PATJ: variants seen among roughly 807,000 people sequenced by gnomAD.
PATJ encodes PATJ crumbs cell polarity complex component, also known as inaD-like protein.
A neutral mutation model predicts 224.9 loss-of-function variants in PATJ; 190 were observed. That is an observed-to-expected ratio of 0.84 (90% CI 0.75 to 0.95). PATJ has a LOEUF of 0.95. PATJ is among the 40% of genes least tolerant of loss of function. The pLI is 0.00. For missense variants in PATJ, 2,121 were observed against 2,270.3 expected (o/e 0.93, Z 1.34); for synonymous variants, 769 against 820.3 (o/e 0.94, Z 1.07).
At chr1:62,154,541 A>G (rs1434782043) in intron 43 of PATJ, among the ~76,000 whole-genome samples, 4 of 151,650 alleles carry the variant, frequency 2.6e-5, no homozygotes, top group Non-Finnish European at 5.9e-5. Flanking sequence ...CATGCCTGTG[A>G]TCCCAGCTAC....
chr1:62,083,127 G>A (rs1489862262), intron 32 of PATJ, among the ~76,000 whole-genome samples: 1 of 152,038 alleles, frequency 6.6e-6, no homozygotes, highest in African/African-American at 2.4e-5. Context: ...AGGTTTCGTT[G>A]TTGTTGTTGC....
At chr1:62,052,439 TAA>T (rs554528489) in intron 31 of PATJ, among the ~76,000 whole-genome samples, 15 of 111,446 alleles carry the variant, frequency 1.3e-4, no homozygotes, top group South Asian at 5.8e-4. Context: ...AGAGATTGAC[TAA>T]AAAAAAAAAA....
chr1:62,157,018 ATTCATTTTAGAAAGAC>A (rs1364657762), intron 43 of PATJ, among the ~76,000 whole-genome samples: 2 of 151,614 alleles, frequency 1.3e-5, no homozygotes, highest in African/African-American at 4.8e-5. Context: ...CAGTATCAGA[ATTCATTTTAGAAAGAC>A]TTCATTAGGC....
At chr1:61,854,899 G>A (rs965459032) in intron 17 of PATJ, among the ~76,000 whole-genome samples, 4 of 152,184 alleles carry the variant, frequency 2.6e-5, no homozygotes, top group African/African-American at 9.6e-5. Flanking sequence ...CTCCCAACGG[G>A]TGAAAGATCT....
rs1444749295 is a variant in PATJ at position 62,161,864 on chromosome 1, G to A, written c.*810G>A. ...AAGTAAGCAAGAAAACATTAGCAGT[G>A]TAATTAATTTACCAGTGATCCCCAA... is the stretch of plus-strand genomic sequence containing the variant. On this transcript the variant is annotated 3_prime_UTR_variant, in exon 44 of 44. Transcript: ENST00000642238. 2 of 152,194 alleles carry A rather than the reference G, an allele frequency of 1.3e-5. No homozygotes were observed. Among genetic ancestry groups the A allele is most frequent in the African/African-American group, 2.4e-5 (1 of 41,442 alleles). The allele number at this position is 152,194 out of a possible 1,614,324, so 9.4% of individuals were successfully genotyped here. A position where few individuals can be genotyped will look rare whatever the true frequency, so the allele number is the denominator to read the frequency against.
At chr1:62,121,342 T>A (rs201469860) in intron 38 of PATJ, 47 bp downstream of exon 38, 15 of 846,062 alleles carry the variant, frequency 1.8e-5, no homozygotes, top group South Asian at 3.6e-5. Context: ...TTACCCAAAT[T>A]AAAAAAAAAA....
In PATJ at chr1:61,931,753, G is replaced by A. The variant is rs550283208; in HGVS notation, c.3670+3924G>A. On this transcript the variant is annotated intron_variant, in intron 27 of 43. Coordinates refer to ENST00000642238, the MANE Select transcript of PATJ (RefSeq NM_001350145.3). ...CACTCCAGGCTGAATGACAGAGTGCGACTCTGTCTCAAAAATGAAACCTAA... is the reference window on the plus strand; with the variant it reads ...CACTCCAGGCTGAATGACAGAGTGCAACTCTGTCTCAAAAATGAAACCTAA... 6.4e-4 allele frequency among the ~76,000 whole-genome samples: 97 copies of A among 152,226 alleles called. 2 individuals carry two copies. Among genetic ancestry groups the A allele is most frequent in the Admixed American group, 5.8e-3 (88 of 15,284 alleles).
intron 28 of PATJ, among the ~76,000 whole-genome samples, chr1:61,996,016 T>C (rs1397032782): frequency 6.6e-6 from 1 of 152,226 alleles, no homozygotes; most frequent in African/African-American, 2.4e-5. Flanking sequence ...TGTATTGAGC[T>C]GTGTTTTGTC....
chr1:61,827,268 T>C (rs145583181), intron 15 of PATJ, among the ~76,000 whole-genome samples, 154 bp from the exon 16 acceptor site: 229 of 152,290 alleles, frequency 1.5e-3, no homozygotes, highest in Middle Eastern at 0.014. Context: ...GCATATTATT[T>C]AATCATAAAT....
rs77093563 is a variant in PATJ, at chr1:62,007,447, T to C, written c.3868-10409T>C. Among the ~76,000 whole-genome samples, 602 of 152,334 alleles carry C rather than the reference T, an allele frequency of 4.0e-3. 9 individuals are homozygous for C. Among genetic ancestry groups the C allele is most frequent in the African/African-American group, 0.012 (505 of 41,578 alleles). On this transcript the variant is annotated intron_variant, in intron 28 of 43. Transcript: ENST00000642238. The stretch of plus-strand genomic sequence containing the variant: ...TTTTTCCCTTTTTCTTTTTTCTTCT[T>C]TTGTATCTTTTTGGATGCCAAGGCA...
chr1:61,911,695 T>TATATA (rs1672666028), intron 25 of PATJ, among the ~76,000 whole-genome samples: 113 of 140,600 alleles, frequency 8.0e-4, no homozygotes, highest in Non-Finnish European at 1.2e-3. Context: ...CTATATATTT[T>TATATA]TATATATATA....
chr1:61,830,043 T>C (rs1006260120), intron 16 of PATJ, among the ~76,000 whole-genome samples: 1 of 152,236 alleles, frequency 6.6e-6, no homozygotes, highest in African/African-American at 2.4e-5. Flanking sequence ...GGATCGGTTA[T>C]TGACCACCCG....
At chr1:61,818,529 C>T (rs1174531437) in intron 14 of PATJ, among the ~76,000 whole-genome samples, 3 of 152,190 alleles carry the variant, frequency 2.0e-5, no homozygotes, top group Non-Finnish European at 2.9e-5. Context: ...GGTAATTAAA[C>T]AGTCCTGCTC....
intron 30 of PATJ, among the ~76,000 whole-genome samples, chr1:62,047,047 A>C (rs1428971138): frequency 2.0e-5 from 3 of 152,338 alleles, no homozygotes; most frequent in Non-Finnish European, 4.4e-5. Context: ...ATTGCTGAGA[A>C]ATGTAAAAGT....
chr1:61,885,570 C>G (rs529864765), intron 22 of PATJ, among the ~76,000 whole-genome samples: 1 of 152,198 alleles, frequency 6.6e-6, no homozygotes, highest in Non-Finnish European at 1.5e-5. Context: ...CACTTTTACA[C>G]TGTTGGTGGG....
intron 14 of PATJ, among the ~76,000 whole-genome samples, chr1:61,812,433 A>AGAGTGTGTGT (rs1397549346): frequency 3.5e-4 from 30 of 85,202 alleles, no homozygotes; most frequent in African/African-American, 1.2e-3. Flanking sequence ...AGAGAGAGAG[A>AGAGTGTGTGT]GTGTGTGTGT....
chr1:62,094,104 AAC>A lies in PATJ; in HGVS notation c.4377+9464_4377+9465del, dbSNP rs752031986. On this transcript the variant is annotated intron_variant, in intron 33 of 43. Coordinates refer to ENST00000642238, the MANE Select transcript of PATJ (RefSeq NM_001350145.3). ...GCTTGCATAGTCCATTGCATTAAAA[AAC>A]ACACACAGCCAGGCACAGTGGCTTA... Among the ~76,000 whole-genome samples, 11 of 152,288 alleles carry A rather than the reference AAC, an allele frequency of 7.2e-5. 1 individual carries two copies. In the East Asian group the frequency reaches 2.1e-3, roughly 29 times the overall value.
rs1045932360 is a variant in PATJ, at chr1:62,160,775, G to GA, written c.5503-127dup. 3.5e-6 allele frequency: 3 copies of GA among 858,162 alleles called. No homozygotes were observed. In the African/African-American group the frequency reaches 5.1e-5, roughly 15 times the overall value. 53.2% of individuals were successfully genotyped at this position (858,162 alleles called of 1,614,324 possible). A position where few individuals can be genotyped will look rare whatever the true frequency, so the allele number is the denominator to read the frequency against. ...TTTTCCTAATTTAAAACATTACCTA[G>GA]AAAAAACTTAATTGGTAGTTTTTAA... is the stretch of plus-strand genomic sequence containing the variant. On this transcript the variant is annotated intron_variant, in intron 43 of 43. Transcript: ENST00000642238.
At chr1:61,896,735 A>G (rs555212126) in intron 22 of PATJ, among the ~76,000 whole-genome samples, 1 of 152,216 alleles carries the variant, frequency 6.6e-6, no homozygotes, top group South Asian at 2.1e-4. Context: ...TCATGGGGGA[A>G]GTTTTCACAT....
Sources: gnomAD v4.1 joint callset for allele counts (sites outside exome capture counted in the v4.1 genomes callset) on GRCh38, gnomAD v4.1.1 for gene constraint, MANE v1.5 for transcripts, NCBI Gene and HGNC (gene_info 2026-07-23, HGNC 2026-07-21) for gene names.